The following STAT5A variants were observed in gnomAD, a reference collection of about 807,000 sequenced individuals.
The protein encoded by STAT5A is signal transducer and activator of transcription 5A, also known as epididymis secretory sperm binding protein.
Under a neutral mutation model 100.2 loss-of-function variants are expected in STAT5A, and 26 were observed. The ratio of observed to expected loss-of-function variants is 0.26; its 90% confidence interval spans 0.19 to 0.36. STAT5A has a LOEUF of 0.36. STAT5A is among the 10% of genes least tolerant of loss of function. STAT5A has a pLI of 1.00. For missense variants in STAT5A, 634 were observed against 1,027.5 expected (o/e 0.62, Z 5.24); for synonymous variants, 330 against 424.3 (o/e 0.78, Z 2.73).
chr17:42,299,619 G>T, intron 5 of STAT5A, 132 bp from the exon 6 acceptor site: 1 of 1,470,580 alleles, frequency 6.8e-7, no homozygotes, highest in Non-Finnish European at 9.1e-7. Flanking sequence ...TGGCTGTCAG[G>T]AACCCCGACT....
chr17:42,306,212 C>T (rs2081027174), intron 12 of STAT5A, 29 bp from the exon 13 acceptor site: 1 of 1,613,888 alleles, frequency 6.2e-7, no homozygotes, highest in Non-Finnish European at 8.5e-7. Flanking sequence ...CCTCAATCTA[C>T]CTTTTCCCCT....
chr17:42,308,262 G>A lies in STAT5A; in HGVS notation c.1991G>A (p.Ser664Asn), dbSNP rs2081048494. 2 of 1,614,072 alleles carry A rather than the reference G, an allele frequency of 1.2e-6. No individual in the cohort carries two copies. Among genetic ancestry groups the A allele is most frequent in the Non-Finnish European group, 1.7e-6 (2 of 1,180,030 alleles). The change falls in exon 16 of 19, where the codon AGC (serine) becomes AAC (asparagine). Residue 664 changes from serine to asparagine, a missense_variant. Ser to Asn is a conservative substitution (Grantham distance 46, BLOSUM62 1). Around this residue, in one of 5 missense-constraint regions of STAT5A, gnomAD observed 210 missense variants for 428.4 expected, o/e 0.49. Transcript: ENST00000590949. The surrounding 1 kb of genome is among the most constrained non-coding windows in gnomAD (Gnocchi z 4.6). ...RSLADRLGDL[S>N]YLIYVFPDRP... is the part of the protein sequence containing the mutation. ...CTGGCTGACCGGCTGGGGGACCTGA[G>A]CTATCTCATCTATGTGTTTCCTGAC...
At chr17:42,289,571 G>A in intron 2 of STAT5A, 32 bp downstream of exon 2, 1 of 1,606,984 alleles carries the variant, frequency 6.2e-7, no homozygotes, top group Non-Finnish European at 8.5e-7. Context: ...CCTCCTCAGA[G>A]GGTCCCTACC....
Position 42,305,684 on chromosome 17 carries a change from C to G in STAT5A, c.1455C>G (p.Asp485Glu), listed in dbSNP as rs2081021407. The G allele has an allele frequency of 6.2e-7, 1 of 1,613,984 alleles. No homozygotes were observed. The highest frequency in any genetic ancestry group is 1.3e-5 in the African/African-American group (1 of 74,908). ...DHNATATVLWDNAFAEPGRVP... is the reference protein window; with the variant it reads ...DHNATATVLWENAFAEPGRVP... Reference sequence around the variant, plus strand: ...ATGCCACGGCTACTGTGCTGTGGGACAATGCCTTTGCTGAGCCGGTGAGTC... The same window carrying G: ...ATGCCACGGCTACTGTGCTGTGGGAGAATGCCTTTGCTGAGCCGGTGAGTC... Residue 485 changes from aspartate to glutamate, a missense_variant, in exon 12 of 19, where the codon GAC (aspartate) becomes GAG (glutamate). Physicochemically the swap from Asp to Glu is conservative, Grantham distance 45. This residue lies in a region of STAT5A where 210 missense variants were observed against 428.4 expected (regional missense o/e 0.49). Transcript: ENST00000590949.
intron 9 of STAT5A, among the ~76,000 whole-genome samples, chr17:42,303,193 C>T (rs1310270349): frequency 6.6e-6 from 1 of 152,128 alleles, no homozygotes; most frequent in African/African-American, 2.4e-5. Flanking sequence ...TTGCAGTGAG[C>T]CGAGACTGTG....
rs780876905 is a variant in STAT5A, at chr17:42,306,357, C to T, written c.1590C>T (p.Leu530=). The change falls in exon 13 of 19, where the codon CTC becomes CTT. Residue 530 remains leucine, a synonymous_variant. Transcript: ENST00000590949. ...QSNRGLTKEN[L]VFLAQKLFNN... ...ACCGGGGCCTGACCAAGGAGAACCT[C>T]GTGTTCCTGGCGCAGAAACTGTTCA... The T allele has an allele frequency of 7.4e-6, 12 of 1,614,138 alleles. No individual in the cohort carries two copies. Among genetic ancestry groups the T allele is most frequent in the Middle Eastern group, 3.3e-4 (2 of 6,060 alleles).
At chr17:42,290,334 A>C (rs1271905440) in intron 3 of STAT5A, among the ~76,000 whole-genome samples, 1 of 152,204 alleles carries the variant, frequency 6.6e-6, no homozygotes, top group Non-Finnish European at 1.5e-5. Context: ...GAAGACCAGC[A>C]GACTCTAGAA....
intron 5 of STAT5A, among the ~76,000 whole-genome samples, chr17:42,297,745 G>C (rs4029778): frequency 5.6e-4 from 85 of 152,012 alleles, no homozygotes; most frequent in African/African-American, 1.2e-3. Flanking sequence ...ATCTGTCCGT[G>C]CCTGGATGAT....
chr17:42,310,184 G>A (rs1379336264), intron 18 of STAT5A, among the ~76,000 whole-genome samples: 1 of 152,284 alleles, frequency 6.6e-6, no homozygotes, highest in African/African-American at 2.4e-5. Flanking sequence ...ACGGGGCGGT[G>A]CCTACCATTG....
intron 9 of STAT5A, 146 bp downstream of exon 9, chr17:42,301,600 C>T: frequency 8.0e-7 from 1 of 1,255,396 alleles, no homozygotes; most frequent in East Asian, 2.5e-5. Flanking sequence ...ATGCAGTCTT[C>T]CCACCTCAGC....
intron 4 of STAT5A, among the ~76,000 whole-genome samples, 161 bp downstream of exon 4, chr17:42,292,222 T>TG (rs984373877): frequency 3.8e-4 from 58 of 152,256 alleles, no homozygotes; most frequent in African/African-American, 1.4e-3. Context: ...CACGCCGGGG[T>TG]GGAGTGACCC....
chr17:42,301,350 G>T lies in STAT5A; in HGVS notation c.1065G>T (p.Leu355=). Residue 355 remains leucine, a synonymous_variant, in exon 9 of 19, where the codon CTG becomes CTT. Transcript: ENST00000590949. ...AGTTTGCAGCCACCGTACGCCTGCT[G>T]GTGGGCGGGAAGCTGAACGTGCACA... is the stretch of plus-strand genomic sequence containing the variant. ...QTKFAATVRL[L]VGGKLNVHMN... is the part of the protein sequence containing the mutation. 1 of 1,614,186 alleles carries T rather than the reference G, an allele frequency of 6.2e-7. No homozygotes were observed. The highest frequency in any genetic ancestry group is 8.5e-7 in the Non-Finnish European group (1 of 1,180,036).
At chr17:42,297,113 G>C (rs1336710124) in intron 5 of STAT5A, among the ~76,000 whole-genome samples, 1 of 151,418 alleles carries the variant, frequency 6.6e-6, no homozygotes, top group African/African-American at 2.4e-5. Flanking sequence ...TTTTTTTGTA[G>C]TTTTAGTAGA....
Position 42,308,891 on chromosome 17 carries a change from A to G in STAT5A, c.2063-156A>G. 1.1e-6 allele frequency: 1 copy of G among 889,560 alleles called. No individual in the cohort carries two copies. Among genetic ancestry groups the G allele is most frequent in the Non-Finnish European group, 1.8e-6 (1 of 556,994 alleles). 55.1% of individuals were successfully genotyped at this position (889,560 alleles called of 1,614,324 possible). ...TCTCAGTGACCCTCAGGCAGGATTC[A>G]TCAGCTGGTGTTTATTGGGGGTCCT... On this transcript the variant is annotated intron_variant, in intron 16 of 18. Coordinates refer to ENST00000590949, the MANE Select transcript of STAT5A (RefSeq NM_001288718.2). The surrounding 1 kb of genome is among the most constrained non-coding windows in gnomAD (Gnocchi z 4.6).
At chr17:42,302,135 T>C (rs909585509) in intron 9 of STAT5A, among the ~76,000 whole-genome samples, 1 of 152,262 alleles carries the variant, frequency 6.6e-6, no homozygotes, top group African/African-American at 2.4e-5. Context: ...CATGGCACTC[T>C]ACCCTGGGCA....
At chr17:42,309,162 C>T in intron 17 of STAT5A, 64 bp downstream of exon 17, 1 of 1,611,828 alleles carries the variant, frequency 6.2e-7, no homozygotes, top group Non-Finnish European at 8.5e-7. Flanking sequence ...ACCCTGCCTC[C>T]CATCCTGATC....
chr17:42,308,839 CA>C lies in STAT5A; in HGVS notation c.2063-207del. 1 of 623,846 alleles carries C rather than the reference CA, an allele frequency of 1.6e-6. No individual in the cohort carries two copies. Among genetic ancestry groups the C allele is most frequent in the Non-Finnish European group, 2.8e-6 (1 of 354,540 alleles). 38.6% of individuals were successfully genotyped at this position (623,846 alleles called of 1,614,324 possible). A position where few individuals can be genotyped will look rare whatever the true frequency, so the allele number is the denominator to read the frequency against. On this transcript the variant is annotated intron_variant, in intron 16 of 18. Coordinates refer to ENST00000590949, the MANE Select transcript of STAT5A (RefSeq NM_001288718.2). The surrounding 1 kb of genome is among the most constrained non-coding windows in gnomAD (Gnocchi z 4.6). ...GAAATCAGATGGCCAGAAAAAGAAC[CA>C]GAAGGAATGGGATTCAAGCCAGGGG...
intron 4 of STAT5A, among the ~76,000 whole-genome samples, chr17:42,293,947 G>T (rs2080894667): frequency 6.6e-6 from 1 of 152,184 alleles, no homozygotes; most frequent in Admixed American, 6.5e-5. Context: ...AGGCGTGGTG[G>T]CTCACATCTG....
rs1426672920 is a variant in STAT5A at position 42,288,875 on chromosome 17, G to A, written c.-11+277G>A. ...CCCGGGGAGGCACTAGTGCACAGAT[G>A]GGGGAGCAGCCGAAGAGGGGAGCGC... On this transcript the variant is annotated intron_variant, in intron 1 of 18. Coordinates refer to ENST00000590949, the MANE Select transcript of STAT5A (RefSeq NM_001288718.2). The surrounding 1 kb of genome is among the most constrained non-coding windows in gnomAD (Gnocchi z 4.8). Among the ~76,000 whole-genome samples, 1 of 152,346 alleles carries A rather than the reference G, an allele frequency of 6.6e-6. No homozygotes were observed. The highest frequency in any genetic ancestry group is 2.1e-4 in the South Asian group (1 of 4,830).
Sources: gnomAD v4.1 joint callset for allele counts (sites outside exome capture counted in the v4.1 genomes callset) on GRCh38, gnomAD v4.1.1 for gene constraint, gnomAD v4.1.1 regional missense constraint, Gnocchi (gnomAD v3.1) non-coding constraint, MANE v1.5 for transcripts, NCBI Gene and HGNC (gene_info 2026-07-23, HGNC 2026-07-21) for gene names.